Variants in NWD2 observed in about 807,000 individuals in gnomAD.
NWD2 encodes the protein NACHT and WD repeat domain-containing protein 2.
In NWD2, 37 loss-of-function variants were observed where a neutral mutation model predicts 132.7. The observed-to-expected ratio is 0.28, with a 90% CI of 0.21 to 0.37. The LOEUF (loss-of-function observed/expected upper bound fraction) is 0.37, where lower values mean the gene tolerates loss of function less well. Among genes scored for constraint, NWD2 ranks in the 10% least tolerant of loss-of-function variants. NWD2 has a pLI of 1.00. For synonymous variants in NWD2, 705 were observed against 803.0 expected (o/e 0.88, Z 2.06); for missense variants, 1,592 against 2,122.4 (o/e 0.75, Z 4.91).
chr4:37,333,094 T>G (rs1355974799), intron 2 of NWD2, among the ~76,000 whole-genome samples: 2 of 152,126 alleles, frequency 1.3e-5, no homozygotes, highest in Non-Finnish European at 2.9e-5. Flanking sequence ...TCAGGTAGAA[T>G]TCTGAGGTTT....
intron 2 of NWD2, among the ~76,000 whole-genome samples, chr4:37,351,630 C>G (rs536348205): frequency 1.3e-5 from 2 of 152,064 alleles, no homozygotes; most frequent in Non-Finnish European, 2.9e-5. Context: ...AAAAACAGCT[C>G]CTGGATTCAT....
chr4:37,369,374 G>A (rs1241510845), intron 3 of NWD2, among the ~76,000 whole-genome samples: 1 of 152,022 alleles, frequency 6.6e-6, no homozygotes, highest in African/African-American at 2.4e-5. Flanking sequence ...CACCTGAATA[G>A]TGTACTCATT....
intron 3 of NWD2, among the ~76,000 whole-genome samples, chr4:37,429,907 T>C (rs1712122660): frequency 6.6e-6 from 1 of 152,256 alleles, no homozygotes; most frequent in Non-Finnish European, 1.5e-5. Flanking sequence ...CTGATTAGGC[T>C]TCAAATGCTA....
intron 3 of NWD2, among the ~76,000 whole-genome samples, chr4:37,367,181 A>G (rs569198386): frequency 6.6e-6 from 1 of 152,260 alleles, no homozygotes; most frequent in South Asian, 2.1e-4. Context: ...TAACTGAAAG[A>G]TGACTAAACA....
At chr4:37,375,717 T>C (rs531893302) in intron 3 of NWD2, among the ~76,000 whole-genome samples, 8 of 152,252 alleles carry the variant, frequency 5.3e-5, no homozygotes, top group African/African-American at 1.4e-4. Flanking sequence ...TACAGGTCCC[T>C]GCCACCATGC....
intron 1 of NWD2, among the ~76,000 whole-genome samples, chr4:37,284,577 A>C (rs1193398284): frequency 1.3e-5 from 2 of 152,164 alleles, no homozygotes; most frequent in Non-Finnish European, 2.9e-5. Context: ...CTAGGGTGAC[A>C]CCATGTATCT....
chr4:37,391,950 TC>T, intron 3 of NWD2, among the ~76,000 whole-genome samples: 1 of 152,180 alleles, frequency 6.6e-6, no homozygotes, highest in Non-Finnish European at 1.5e-5. Flanking sequence ...ATGCCTGTCA[TC>T]CCAGCACTTT....
chr4:37,385,594 A>G (rs762849371), intron 3 of NWD2, among the ~76,000 whole-genome samples: 3 of 152,192 alleles, frequency 2.0e-5, no homozygotes, highest in Admixed American at 1.3e-4. Context: ...GAAAAACCGG[A>G]AAGTGTTACT....
At chr4:37,265,840 C>T (rs1156289761) in intron 1 of NWD2, among the ~76,000 whole-genome samples, 1 of 152,022 alleles carries the variant, frequency 6.6e-6, no homozygotes, top group Non-Finnish European at 1.5e-5. Context: ...AGAGTCAGTC[C>T]CCTTTGCCAT....
chr4:37,445,680 A>G lies in NWD2; in HGVS notation c.3692A>G (p.Asn1231Ser). 6.4e-7 allele frequency: 1 copy of G among 1,552,104 alleles called. No homozygotes were observed. Among genetic ancestry groups the G allele is most frequent in the Non-Finnish European group, 8.7e-7 (1 of 1,147,078 alleles). Residue 1231 changes from asparagine (N) to serine (S), a missense_variant, in exon 7 of 7, where the codon AAC (asparagine) becomes AGC (serine). Physicochemically the swap from Asn to Ser is conservative, Grantham distance 46. This residue lies in a region of NWD2 where 1,071 missense variants were observed against 1,398.0 expected (regional missense o/e 0.77). Coordinates refer to ENST00000309447, the MANE Select transcript of NWD2 (RefSeq NM_001144990.2). The surrounding 1 kb of genome is among the most constrained non-coding windows in gnomAD (Gnocchi z 4.7). ...KVAEKFRAKH[N>S]ERFISAVLSK... Reference sequence around the variant, plus strand: ...GCTGAAAAGTTCAGAGCCAAGCACAACGAACGCTTTATATCTGCCGTGCTG... The same window carrying G: ...GCTGAAAAGTTCAGAGCCAAGCACAGCGAACGCTTTATATCTGCCGTGCTG...
rs1180576333 is a variant in NWD2 at position 37,387,228 on chromosome 4, AT to A, written c.357+30747del. On this transcript the variant is annotated intron_variant, in intron 3 of 6. Coordinates refer to ENST00000309447, the MANE Select transcript of NWD2 (RefSeq NM_001144990.2). ...AACTACTAGAAAAAATTAAAAACAAATGGAATTAATTTAATAATGTATTTAA... is the reference window on the plus strand; with the variant it reads ...AACTACTAGAAAAAATTAAAAACAAAGGAATTAATTTAATAATGTATTTAA... 2.0e-5 allele frequency among the ~76,000 whole-genome samples: 3 copies of A among 152,192 alleles called. No homozygotes were observed. The East Asian group carries it at 5.8e-4, about 29-fold the overall frequency.
At position 37,264,121 on chromosome 4, in the gene NWD2, GTCTATCTAT is replaced by G. The variant is rs571473270; in HGVS notation, c.151+18904_151+18912del. ...AGAGTTTTGGACCCAGAATCCTTCA[GTCTATCTAT>G]CCAATCCCAATTTGAACAGATAACT... On this transcript the variant is annotated intron_variant, in intron 1 of 6. Coordinates refer to ENST00000309447, the MANE Select transcript of NWD2 (RefSeq NM_001144990.2). Among the ~76,000 whole-genome samples the G allele has an allele frequency of 2.4e-4, 36 of 152,264 alleles. 1 individual carries two copies. The East Asian group carries it at 7.0e-3, about 29-fold the overall frequency.
intron 3 of NWD2, among the ~76,000 whole-genome samples, chr4:37,427,293 A>G (rs1347141180): frequency 2.6e-5 from 4 of 152,120 alleles, no homozygotes; most frequent in Non-Finnish European, 5.9e-5. Flanking sequence ...CAACCCTGAC[A>G]AAGAGTGCTG....
intron 2 of NWD2, among the ~76,000 whole-genome samples, chr4:37,334,286 T>G (rs1188635931): frequency 1.3e-5 from 2 of 152,228 alleles, no homozygotes; most frequent in Non-Finnish European, 2.9e-5. Context: ...CTTAAAAGTT[T>G]TTAATGGCTT....
At position 37,446,513 on chromosome 4, in the gene NWD2, A is replaced by G. The variant is rs1414193828; in HGVS notation, c.4525A>G (p.Thr1509Ala). Residue 1509 changes from threonine (T) to alanine (A), a missense_variant, in exon 7 of 7, where the codon ACA becomes GCA. Physicochemically the swap from Thr to Ala is moderately conservative, Grantham distance 58. Coordinates refer to ENST00000309447, the MANE Select transcript of NWD2 (RefSeq NM_001144990.2). This position sits in a 1 kb window ranked among gnomAD's most constrained non-coding sequence, Gnocchi z 6.7. Reference sequence around the variant, plus strand: ...CGAGACTGTGAACATCTGGAGTCTGACAGATGAAGTGATCTGTCGGCGCGT... The same window carrying G: ...CGAGACTGTGAACATCTGGAGTCTGGCAGATGAAGTGATCTGTCGGCGCGT... The part of the protein sequence containing the change: ...SAETVNIWSL[T>A]DEVICRRVQL... The G allele has an allele frequency of 1.3e-6, 2 of 1,551,692 alleles. No homozygotes were observed. The highest frequency in any genetic ancestry group is 1.7e-6 in the Non-Finnish European group (2 of 1,146,984).
At chr4:37,333,148 C>T (rs1719329138) in intron 2 of NWD2, among the ~76,000 whole-genome samples, 1 of 152,122 alleles carries the variant, frequency 6.6e-6, no homozygotes, top group South Asian at 2.1e-4. Context: ...CTGAACCTGC[C>T]AGGGCTGAGG....
chr4:37,351,243 CA>C (rs1719754959), intron 2 of NWD2, among the ~76,000 whole-genome samples: 1 of 152,126 alleles, frequency 6.6e-6, no homozygotes, highest in African/African-American at 2.4e-5. Flanking sequence ...GGAATAGTTT[CA>C]GAAGGAATGG....
At chr4:37,394,139 A>G (rs191977448) in intron 3 of NWD2, among the ~76,000 whole-genome samples, 1 of 152,316 alleles carries the variant, frequency 6.6e-6, no homozygotes, top group African/African-American at 2.4e-5. Context: ...ATTGTTATCT[A>G]TCTAGCATCT....
At chr4:37,430,516 A>G in intron 3 of NWD2, 56 bp from the exon 4 acceptor site, 1 of 1,215,086 alleles carries the variant, frequency 8.2e-7, no homozygotes, top group Non-Finnish European at 1.2e-6. Flanking sequence ...TGATGTGAAT[A>G]CTAAAATGAA....
Sources: allele counts gnomAD v4.1 joint callset (sites outside exome capture counted in the v4.1 genomes callset), GRCh38; gene constraint gnomAD v4.1.1; regional missense constraint gnomAD v4.1.1; non-coding constraint Gnocchi (gnomAD v3.1); transcripts MANE v1.5; gene names NCBI Gene and HGNC (gene_info 2026-07-23, HGNC 2026-07-21).